ATP8A2: variants seen among roughly 807,000 people sequenced by gnomAD.
ATP8A2 encodes the protein phospholipid-transporting ATPase IB.
Under a neutral mutation model 165.6 loss-of-function variants are expected in ATP8A2, and 100 were observed. That is an observed-to-expected ratio of 0.60 (90% confidence interval 0.51 to 0.71). The LOEUF is 0.71. ATP8A2 is among the 30% of genes least tolerant of loss of function. ATP8A2 has a pLI of 0.00. For missense variants in ATP8A2, 1,227 were observed against 1,479.5 expected (o/e 0.83, Z 2.80); for synonymous variants, 543 against 548.8 (o/e 0.99, Z 0.15).
In ATP8A2 at chr13:25,905,449, G is replaced by C. The variant is rs1450631558; in HGVS notation, c.3183+43041G>C. On this transcript the variant is annotated intron_variant, in intron 33 of 36. Coordinates refer to ENST00000381655, the MANE Select transcript of ATP8A2 (RefSeq NM_016529.6). ...CTCTCTCTCTCTTACTTCCCTGTTG[G>C]TCTTTCAGTTTTCTGGTTTCTCCTA... Among the ~76,000 whole-genome samples the C allele has an allele frequency of 7.9e-5, 12 of 151,484 alleles. No individual in the cohort carries two copies. The East Asian group carries it at 2.3e-3, about 29-fold the overall frequency.
intron 28 of ATP8A2, among the ~76,000 whole-genome samples, chr13:25,829,668 GTATATATATATATA>G (rs71080203): frequency 0.02 from 1,238 of 63,302 alleles, 37 homozygotes; most frequent in African/African-American, 0.028. Flanking sequence ...GACAGGTGTG[GTATATATATATATA>G]TATATATATA....
intron 35 of ATP8A2, 72 bp from the exon 36 acceptor site, chr13:26,012,459 C>A (rs1016795629): frequency 3.9e-5 from 49 of 1,253,564 alleles, no homozygotes; most frequent in Non-Finnish European, 4.9e-5. Flanking sequence ...CATCCCACCC[C>A]CTTCTGTCTG....
At chr13:25,738,346 C>CT (rs1167081755) in intron 25 of ATP8A2, among the ~76,000 whole-genome samples, 8 of 131,652 alleles carry the variant, frequency 6.1e-5, no homozygotes, top group South Asian at 5.4e-4. Context: ...CCCCTCCCCC[C>CT]CCCCCACACA....
At chr13:25,786,695 T>A (rs938709499) in intron 27 of ATP8A2, among the ~76,000 whole-genome samples, 12 of 152,014 alleles carry the variant, frequency 7.9e-5, no homozygotes, top group East Asian at 1.9e-4. Context: ...TTTTATTTTT[T>A]AAAAATAAGG....
At chr13:26,010,444 C>A (rs966198974) in intron 35 of ATP8A2, among the ~76,000 whole-genome samples, 19 of 152,204 alleles carry the variant, frequency 1.2e-4, no homozygotes, top group African/African-American at 3.9e-4. Context: ...CCATTATGTC[C>A]CCATGTGGGG....
chr13:25,488,437 C>A (rs1260336497), intron 2 of ATP8A2, among the ~76,000 whole-genome samples: 1 of 152,208 alleles, frequency 6.6e-6, no homozygotes, highest in Non-Finnish European at 1.5e-5. Flanking sequence ...GTAATTACAA[C>A]TTTACCATTA....
intron 1 of ATP8A2, among the ~76,000 whole-genome samples, chr13:25,444,729 T>C (rs2035025557): frequency 6.6e-6 from 1 of 151,998 alleles, no homozygotes; most frequent in African/African-American, 2.4e-5. Context: ...CACTGCAACA[T>C]CTGCCTCCTG....
chr13:25,743,380 G>T (rs537532917), intron 25 of ATP8A2, among the ~76,000 whole-genome samples: 2 of 152,172 alleles, frequency 1.3e-5, no homozygotes, highest in Non-Finnish European at 2.9e-5. Context: ...TAAATTTCTG[G>T]TGTGGAAGCC....
At position 25,866,736 on chromosome 13, in the gene ATP8A2, C is replaced by T. The variant is rs1034307344; in HGVS notation, c.3183+4328C>T. 5.9e-5 allele frequency among the ~76,000 whole-genome samples: 9 copies of T among 152,170 alleles called. No homozygotes were observed. The South Asian group carries it at 6.2e-4, about 11-fold the overall frequency. On this transcript the variant is annotated intron_variant, in intron 33 of 36. Transcript: ENST00000381655. ...CCAGCATGTGAGCTTCAGTAAATCTCCAGGTGATTCTTCCCTTTAAAGTGT... is the reference window on the plus strand; with the variant it reads ...CCAGCATGTGAGCTTCAGTAAATCTTCAGGTGATTCTTCCCTTTAAAGTGT...
intron 2 of ATP8A2, among the ~76,000 whole-genome samples, chr13:25,482,013 C>T (rs938437242): frequency 6.6e-6 from 1 of 152,156 alleles, no homozygotes; most frequent in Non-Finnish European, 1.5e-5. Flanking sequence ...GCACCACCCA[C>T]CCTTCCCATT....
chr13:25,406,152 G>A (rs190550435), intron 1 of ATP8A2, among the ~76,000 whole-genome samples: 4 of 152,318 alleles, frequency 2.6e-5, no homozygotes, highest in Non-Finnish European at 4.4e-5. Flanking sequence ...GCTGAAGAAA[G>A]AGGTTGACAT....
chr13:25,421,543 C>T (rs2034299840), intron 1 of ATP8A2, among the ~76,000 whole-genome samples: 1 of 152,232 alleles, frequency 6.6e-6, no homozygotes, highest in South Asian at 2.1e-4. Context: ...TTGTGTTGCC[C>T]AGGCTGATCT....
At chr13:25,444,330 T>G (rs1045361297) in intron 1 of ATP8A2, among the ~76,000 whole-genome samples, 3 of 152,228 alleles carry the variant, frequency 2.0e-5, no homozygotes, top group Non-Finnish European at 4.4e-5. Context: ...TCCTTTTTTT[T>G]TCTGCTAATG....
In ATP8A2 at chr13:25,671,966, G is replaced by A. The variant is rs942655356; in HGVS notation, c.2212-27207G>A. Among the ~76,000 whole-genome samples, 10 of 152,100 alleles carry A rather than the reference G, an allele frequency of 6.6e-5. No homozygotes were observed. The East Asian group carries it at 9.7e-4, about 15-fold the overall frequency. On this transcript the variant is annotated intron_variant, in intron 24 of 36. Transcript: ENST00000381655. Reference sequence around the variant, plus strand: ...CGTGTGATGTCTCCCCCGGATGCCCGGCTTTAAAGTTTCTCTCTTTTGTAC... The same window carrying A: ...CGTGTGATGTCTCCCCCGGATGCCCAGCTTTAAAGTTTCTCTCTTTTGTAC...
intron 1 of ATP8A2, among the ~76,000 whole-genome samples, chr13:25,393,132 A>T (rs561533674): frequency 5.4e-5 from 6 of 111,476 alleles, no homozygotes; most frequent in East Asian, 2.1e-4. Context: ...TTATTTACAT[A>T]CTTTTTTTTT....
chr13:25,726,724 C>T (rs1455575363), intron 25 of ATP8A2, among the ~76,000 whole-genome samples: 1 of 152,138 alleles, frequency 6.6e-6, no homozygotes, highest in African/African-American at 2.4e-5. Flanking sequence ...CCTAAAGTAA[C>T]ATTTATAGGT....
chr13:25,917,117 GT>G (rs1566266931), intron 33 of ATP8A2, among the ~76,000 whole-genome samples: 1 of 152,186 alleles, frequency 6.6e-6, no homozygotes, highest in Non-Finnish European at 1.5e-5. Flanking sequence ...CCCATGCCTG[GT>G]AGTAACCTCT....
intron 10 of ATP8A2, among the ~76,000 whole-genome samples, chr13:25,548,016 G>T (rs2038705736): frequency 6.6e-6 from 1 of 152,134 alleles, no homozygotes; most frequent in Non-Finnish European, 1.5e-5. Context: ...CTGACCTCAG[G>T]AGTTCAAGAC....
rs768187590 is a variant in ATP8A2, at chr13:25,559,707, C to T, written c.1353-14C>T. 29 of 1,610,888 alleles carry T rather than the reference C, an allele frequency of 1.8e-5. No individual in the cohort carries two copies. The highest frequency in any genetic ancestry group is 8.8e-5 in the South Asian group (8 of 90,990). ...ACAGTTTTGTGACCACTCTGTTTTCCGTTTCTCTGGCAGTCACTTCCCAGA... is the reference window on the plus strand; with the variant it reads ...ACAGTTTTGTGACCACTCTGTTTTCTGTTTCTCTGGCAGTCACTTCCCAGA... On this transcript the variant is annotated splice_polypyrimidine_tract_variant and intron_variant, in intron 14 of 36. Coordinates refer to ENST00000381655, the MANE Select transcript of ATP8A2 (RefSeq NM_016529.6).
Sources: gnomAD v4.1 joint callset for allele counts (sites outside exome capture counted in the v4.1 genomes callset) on GRCh38, gnomAD v4.1.1 for gene constraint, MANE v1.5 for transcripts, NCBI Gene and HGNC (gene_info 2026-07-23, HGNC 2026-07-21) for gene names.